Variants in DMBT1 observed in about 807,000 individuals in gnomAD.
The protein encoded by DMBT1 is deleted in malignant brain tumors 1, also known as scavenger receptor cysteine-rich domain-containing protein DMBT1.
In DMBT1, 198 loss-of-function variants were observed where a neutral mutation model predicts 252.9. The ratio of observed to expected loss-of-function variants is 0.78; its 90% confidence interval spans 0.70 to 0.88. DMBT1 has a LOEUF of 0.88. DMBT1 is among the 40% of genes least tolerant of loss of function. The pLI is 0.00. For missense variants in DMBT1, 2,432 were observed against 2,404.7 expected, an observed-to-expected ratio of 1.01 and a Z score of -0.24; for synonymous variants, 990 against 942.7, an observed-to-expected ratio of 1.05 and a Z score of -0.92.
chr10:122,640,787 T>A (rs1409810608), intron 55 of DMBT1, among the ~76,000 whole-genome samples: 11 of 152,150 alleles, frequency 7.2e-5, no homozygotes, highest in Admixed American at 7.2e-4. Flanking sequence ...TCTAGGTGAC[T>A]GAACTCCAGC....
chr10:122,579,309 G>A (rs1288391798), intron 9 of DMBT1, among the ~76,000 whole-genome samples: 1 of 152,134 alleles, frequency 6.6e-6, no homozygotes, highest in Non-Finnish European at 1.5e-5. Flanking sequence ...TCCATCCTCT[G>A]TGTACCCAAC....
chr10:122,576,433 T>C lies in DMBT1; in HGVS notation c.318T>C (p.Asn106=), dbSNP rs2097712975. Residue 106 remains asparagine (N), a synonymous_variant, in exon 7 of 56, where the codon AAT becomes AAC. Transcript: ENST00000338354. ...CTGGTTTGGCCCTGAGGCTGGTGAA[T>C]GGAGATGGCAGGTGTCAGGGCCGAG... ...SDSGLALRLV[N]GDGRCQGRVE... is the part of the protein sequence containing the mutation. 2 of 1,613,864 alleles carry C rather than the reference T, an allele frequency of 1.2e-6. No individual in the cohort carries two copies. The highest frequency in any genetic ancestry group is 8.5e-7 in the Non-Finnish European group (1 of 1,179,830).
chr10:122,590,229 C>A, intron 17 of DMBT1, among the ~76,000 whole-genome samples: 1 of 148,936 alleles, frequency 6.7e-6, no homozygotes, highest in Non-Finnish European at 1.5e-5. Flanking sequence ...CCCTCCAGAG[C>A]ACTGCAGCAT....
chr10:122,627,727 G>A (rs2098128344), intron 46 of DMBT1, among the ~76,000 whole-genome samples: 1 of 152,128 alleles, frequency 6.6e-6, no homozygotes, highest in African/African-American at 2.4e-5. Context: ...AAATAGAAAG[G>A]GAGGGCAGGC....
At chr10:122,586,498 A>G (rs1565696240) in intron 16 of DMBT1, 115 bp downstream of exon 16, 2 of 1,444,292 alleles carry the variant, frequency 1.4e-6, no homozygotes, top group East Asian at 5.0e-5. Context: ...TATTTCTGAT[A>G]CCTCCTTAGC....
intron 53 of DMBT1, among the ~76,000 whole-genome samples, chr10:122,636,620 G>A (rs1342044161): frequency 6.6e-6 from 1 of 152,192 alleles, no homozygotes; most frequent in Non-Finnish European, 1.5e-5. Context: ...GGCTGGAAGT[G>A]GCTGAGATAA....
In DMBT1 at chr10:122,637,166, A is replaced by C; in HGVS notation, c.6796A>C (p.Ser2266Arg). The change falls in exon 54 of 56, where the codon AGC becomes CGC. Residue 2266 changes from serine to arginine, a missense_variant. Coordinates refer to ENST00000338354, the MANE Select transcript of DMBT1 (RefSeq NM_001377530.1). ...CLPNHMQASV[S>R]RSYLQSLGFS... ...GCCAAATCACATGCAAGCCAGTGTG[A>C]GCAGGAGCTATCTCCAATCCTTGGG... is the stretch of plus-strand genomic sequence containing the variant. 6.2e-7 allele frequency: 1 copy of C among 1,614,000 alleles called. No homozygotes were observed. Among genetic ancestry groups the C allele is most frequent in the Non-Finnish European group, 8.5e-7 (1 of 1,179,902 alleles).
Position 122,592,570 on chromosome 10 carries a change from T to G in DMBT1, c.2475T>G (p.His825Gln), listed in dbSNP as rs200031449. 1.3e-4 allele frequency: 202 copies of G among 1,588,520 alleles called. 7 individuals carry two copies. In the African/African-American group the frequency reaches 2.5e-3, roughly 19 times the overall value. The change falls in exon 20 of 56, where the codon CAT becomes CAG. Residue 825 changes from histidine to glutamine, a missense_variant. Transcript: ENST00000338354. ...GGCTCTCCCACAACTGTGGCCATCA[T>G]GAAGATGCTGGTGTCATCTGCTCAG... is the stretch of plus-strand genomic sequence containing the variant. ...NGWLSHNCGHHEDAGVICSVS... is the reference protein window; with the variant it reads ...NGWLSHNCGHQEDAGVICSVS...
intron 11 of DMBT1, 79 bp downstream of exon 11, chr10:122,580,974 C>A (rs558003325): frequency 6.4e-7 from 1 of 1,550,790 alleles, no homozygotes; most frequent in Admixed American, 1.8e-5. Flanking sequence ...CAGAGCTCTC[C>A]TGTTTCTCTG....
chr10:122,625,837 C>T (rs2098114903), intron 45 of DMBT1, 96 bp from the exon 46 acceptor site: 1 of 1,058,740 alleles, frequency 9.4e-7, no homozygotes, highest in African/African-American at 1.6e-5. Flanking sequence ...AAGTCCTGTA[C>T]TAAGGAAAAG....
At chr10:122,576,375 G>C in intron 6 of DMBT1, 24 bp from the exon 7 acceptor site, 1 of 1,611,084 alleles carries the variant, frequency 6.2e-7, no homozygotes, top group Admixed American at 1.7e-5. Context: ...GAATGTGCAA[G>C]AGAAATTCTG....
At chr10:122,620,970 A>G in intron 43 of DMBT1, 87 bp from the exon 44 acceptor site, 1 of 1,584,104 alleles carries the variant, frequency 6.3e-7, no homozygotes, top group Non-Finnish European at 8.6e-7. Flanking sequence ...GACTTTGGCC[A>G]TTAGGAAGTG....
Position 122,600,101 on chromosome 10 carries a change from C to T in DMBT1, c.3310+8C>T, listed in dbSNP as rs780635388. 51 of 1,605,686 alleles carry T rather than the reference C, an allele frequency of 3.2e-5. 7 individuals carry two copies. In the Admixed American group the frequency reaches 8.4e-4, roughly 26 times the overall value. ...GGCCAACACCTAGTCCAGGTGGGTC[C>T]CCAGTGTCCTTCCTCAAAATGTCCC... On this transcript the variant is annotated splice_region_variant and intron_variant, in intron 27 of 55. Coordinates refer to ENST00000338354, the MANE Select transcript of DMBT1 (RefSeq NM_001377530.1).
chr10:122,620,604 G>A (rs1159065505), intron 43 of DMBT1, among the ~76,000 whole-genome samples: 2 of 152,232 alleles, frequency 1.3e-5, no homozygotes, highest in African/African-American at 2.4e-5. Context: ...GCCACAGGCT[G>A]CAGACCTGCG....
In DMBT1 at chr10:122,640,065, C is replaced by T; in HGVS notation, c.6968C>T (p.Ser2323Phe). The part of the protein sequence containing the change: ...KQADNDTIDY[S>F]NFLTAAVSGG... ...GCAGACAATGACACCATCGACTATT[C>T]CAACTTCCTCACAGCAGCTGTCTCA... is the stretch of plus-strand genomic sequence containing the variant. Residue 2323 changes from serine to phenylalanine, a missense_variant, in exon 55 of 56, where the codon TCC (serine) becomes TTC (phenylalanine). Ser to Phe is a radical substitution (Grantham distance 155). Transcript: ENST00000338354. 6.2e-7 allele frequency: 1 copy of T among 1,613,956 alleles called. No individual in the cohort carries two copies. The highest frequency in any genetic ancestry group is 8.5e-7 in the Non-Finnish European group (1 of 1,179,864).
intron 1 of DMBT1, among the ~76,000 whole-genome samples, chr10:122,565,275 G>A (rs1160197198): frequency 1.3e-5 from 2 of 152,232 alleles, no homozygotes; most frequent in Non-Finnish European, 1.5e-5. Context: ...GGATCTAATG[G>A]ATCCATATGG....
At chr10:122,629,537 T>G (rs765805620) in intron 46 of DMBT1, among the ~76,000 whole-genome samples, 2 of 152,222 alleles carry the variant, frequency 1.3e-5, no homozygotes, top group Admixed American at 6.5e-5. Context: ...CAATGATAGC[T>G]GTCACTTTGT....
chr10:122,625,658 T>G, intron 45 of DMBT1, among the ~76,000 whole-genome samples: 1 of 152,218 alleles, frequency 6.6e-6, no homozygotes, highest in Admixed American at 6.5e-5. Flanking sequence ...CAAGTAATAC[T>G]TCTGCACGTA....
At chr10:122,623,514 C>T (rs2098089973) in intron 44 of DMBT1, among the ~76,000 whole-genome samples, 1 of 152,182 alleles carries the variant, frequency 6.6e-6, no homozygotes, top group African/African-American at 2.4e-5. Context: ...AATTTGCATT[C>T]CCCCAAGCAA....
Sources: gnomAD v4.1 joint callset for allele counts (sites outside exome capture counted in the v4.1 genomes callset) on GRCh38, gnomAD v4.1.1 for gene constraint, MANE v1.5 for transcripts, NCBI Gene and HGNC (gene_info 2026-07-23, HGNC 2026-07-21) for gene names.